The following TNFAIP8L3 variants were observed in gnomAD, a reference collection of about 807,000 sequenced individuals.
TNFAIP8L3 encodes the protein TNF alpha induced protein 8 like 3, also known as tumor necrosis factor alpha-induced protein 8-like protein 3.
TNFAIP8L3 carries 7 observed loss-of-function variants against 11.8 expected under a neutral mutation model. The observed-to-expected ratio is 0.59, with a 90% confidence interval of 0.34 to 1.11. The LOEUF is 1.11. TNFAIP8L3 is among the 50% of genes most tolerant of loss of function. The pLI is 0.03. For synonymous variants in TNFAIP8L3, 98 were observed against 103.8 expected, an observed-to-expected ratio of 0.94 and a Z score of 0.34; for missense variants, 219 against 258.6, an observed-to-expected ratio of 0.85 and a Z score of 1.05.
intron 1 of TNFAIP8L3, among the ~76,000 whole-genome samples, chr15:51,091,666 ACCT>A (rs10562772): frequency 0.22 from 31,524 of 141,310 alleles, 3,464 homozygotes; most frequent in East Asian, 0.42. Flanking sequence ...AACTAAAAAG[ACCT>A]CCTCAAGCAC....
chr15:51,066,552 C>T (rs1036063366), intron 1 of TNFAIP8L3, among the ~76,000 whole-genome samples: 3 of 152,188 alleles, frequency 2.0e-5, no homozygotes, highest in African/African-American at 7.2e-5. Context: ...CTCTCATGCT[C>T]CATCTTTCAC....
At position 51,094,464 on chromosome 15, in the gene TNFAIP8L3, G is replaced by T. The variant is rs551938906; in HGVS notation, c.52+80C>A. The stretch of plus-strand genomic sequence containing the variant: ...GGAAGGGGTCGGGCTGCTGAGGATC[G>T]GCTTCCCGATTTCATGCCCCAGCCT... On this transcript the variant is annotated intron_variant, in intron 1 of 1. Coordinates refer to ENST00000637513, the MANE Select transcript of TNFAIP8L3 (RefSeq NM_001311175.2). The surrounding 1 kb of genome is among the most constrained non-coding windows in gnomAD (Gnocchi z 4.4). The T allele has an allele frequency of 1.5e-5, 20 of 1,352,034 alleles. No individual in the cohort carries two copies. In the African/African-American group the frequency reaches 3.1e-4, roughly 21 times the overall value. 83.8% of individuals were successfully genotyped at this position (1,352,034 alleles called of 1,614,324 possible).
intron 1 of TNFAIP8L3, among the ~76,000 whole-genome samples, chr15:51,104,575 C>G (rs1396391714): frequency 1.3e-5 from 2 of 152,186 alleles, no homozygotes; most frequent in Non-Finnish European, 2.9e-5. Context: ...GCAGCCTCGT[C>G]CCTGATGAGT....
At chr15:51,073,111 C>T (rs1383779726) in intron 1 of TNFAIP8L3, among the ~76,000 whole-genome samples, 1 of 151,670 alleles carries the variant, frequency 6.6e-6, no homozygotes, top group Non-Finnish European at 1.5e-5. Context: ...ATTCTTCTGC[C>T]TCAGCCTCCT....
intron 1 of TNFAIP8L3, chr15:51,104,929 C>G (rs930599410): frequency 6.3e-7 from 1 of 1,584,268 alleles, no homozygotes; most frequent in Admixed American, 1.7e-5. Context: ...ATCCTCAGCT[C>G]GCCACCTTGC....
chr15:51,070,940 A>G (rs1322219969), intron 1 of TNFAIP8L3, among the ~76,000 whole-genome samples: 4 of 146,914 alleles, frequency 2.7e-5, no homozygotes, highest in South Asian at 2.2e-4. Context: ...AGTCCCAGCT[A>G]CTTGGGAGGC....
At chr15:51,067,491 C>G (rs769389252) in intron 1 of TNFAIP8L3, among the ~76,000 whole-genome samples, 1 of 152,178 alleles carries the variant, frequency 6.6e-6, no homozygotes, top group Non-Finnish European at 1.5e-5. Flanking sequence ...ACTCTTAGAA[C>G]CTCTATTTAG....
intron 1 of TNFAIP8L3, among the ~76,000 whole-genome samples, chr15:51,067,542 A>G (rs1439238029): frequency 1.3e-5 from 2 of 152,198 alleles, no homozygotes; most frequent in Non-Finnish European, 2.9e-5. Context: ...CTTTACTAAT[A>G]TTTAATACAC....
At position 51,058,418 on chromosome 15, in the gene TNFAIP8L3, A is replaced by G. The variant is rs1460318180; in HGVS notation, c.78T>C (p.Ser26=). 1 of 1,593,280 alleles carries G rather than the reference A, an allele frequency of 6.3e-7. No individual in the cohort carries two copies. The highest frequency in any genetic ancestry group is 1.4e-5 in the African/African-American group (1 of 72,688). The part of the protein sequence containing the change: ...AAGPDVFSSK[S]LALQAQKKIL... Reference sequence around the variant, plus strand: ...TCTTCTTCTGGGCTTGAAGCGCAAGACTCTTTGAACTAAAAACATCAGGAC... The same window carrying G: ...TCTTCTTCTGGGCTTGAAGCGCAAGGCTCTTTGAACTAAAAACATCAGGAC... The change falls in exon 2 of 2, where the codon AGT becomes AGC. Residue 26 remains serine (S), a synonymous_variant. Coordinates refer to ENST00000637513, the MANE Select transcript of TNFAIP8L3 (RefSeq NM_001311175.2).
intron 1 of TNFAIP8L3, among the ~76,000 whole-genome samples, chr15:51,084,241 G>A (rs1362927953): frequency 6.6e-6 from 1 of 152,132 alleles, no homozygotes; most frequent in Non-Finnish European, 1.5e-5. Flanking sequence ...CAGAAAAACA[G>A]GGATCACAGA....
chr15:51,076,462 TA>T (rs1392468407), intron 1 of TNFAIP8L3, among the ~76,000 whole-genome samples: 1 of 152,240 alleles, frequency 6.6e-6, no homozygotes, highest in Non-Finnish European at 1.5e-5. Context: ...CTTTCTAAAT[TA>T]AACTCTAAGG....
At chr15:51,092,159 G>A (rs1424993495) in intron 1 of TNFAIP8L3, among the ~76,000 whole-genome samples, 1 of 152,182 alleles carries the variant, frequency 6.6e-6, no homozygotes, top group Non-Finnish European at 1.5e-5. Context: ...TTCAGGAAAT[G>A]GAAAGGCATG....
chr15:51,100,178 A>C (rs2065540615), intron 1 of TNFAIP8L3, among the ~76,000 whole-genome samples: 1 of 152,218 alleles, frequency 6.6e-6, no homozygotes, highest in African/African-American at 2.4e-5. Context: ...TTTCAGGTGC[A>C]AAATGAAGGG....
At chr15:51,102,607 A>G (rs988774888) in intron 1 of TNFAIP8L3, among the ~76,000 whole-genome samples, 17 of 152,216 alleles carry the variant, frequency 1.1e-4, no homozygotes, top group African/African-American at 4.1e-4. Context: ...CACCTGGTCT[A>G]ACCCCATCAC....
chr15:51,059,718 A>T (rs369157949), intron 1 of TNFAIP8L3, among the ~76,000 whole-genome samples: 1 of 152,268 alleles, frequency 6.6e-6, no homozygotes. Flanking sequence ...CACCAAACTG[A>T]TACTAAGAAA....
intron 1 of TNFAIP8L3, among the ~76,000 whole-genome samples, chr15:51,087,882 C>A (rs2065440383): frequency 7.5e-6 from 1 of 133,490 alleles, no homozygotes; most frequent in Admixed American, 8.3e-5. Context: ...AAGAACATTT[C>A]TGATATGTAA....
intron 1 of TNFAIP8L3, among the ~76,000 whole-genome samples, chr15:51,074,407 A>T (rs1193633021): frequency 6.6e-6 from 1 of 152,240 alleles, no homozygotes; most frequent in East Asian, 1.9e-4. Context: ...TTTGCTATGA[A>T]GTATCTGCAG....
intron 1 of TNFAIP8L3, among the ~76,000 whole-genome samples, chr15:51,093,165 A>G (rs545996840): frequency 1.1e-3 from 163 of 152,358 alleles, no homozygotes; most frequent in Non-Finnish European, 2.8e-4. Flanking sequence ...TTTATGAATT[A>G]TATCATACCT....
At position 51,057,026 on chromosome 15, in the gene TNFAIP8L3, C is replaced by T. The variant is rs1032397001; in HGVS notation, c.*855G>A. The T allele has an allele frequency of 9.9e-5, 15 of 152,242 alleles. No homozygotes were observed. The highest frequency in any genetic ancestry group is 3.4e-4 in the African/African-American group (14 of 41,440). The allele number at this position is 152,242 out of a possible 1,614,324, so 9.4% of individuals were successfully genotyped here. A position where few individuals can be genotyped will look rare whatever the true frequency, so the allele number is the denominator to read the frequency against. On this transcript the variant is annotated 3_prime_UTR_variant, in exon 2 of 2. Coordinates refer to ENST00000637513, the MANE Select transcript of TNFAIP8L3 (RefSeq NM_001311175.2). ...CCAGGTTCAAACAATTCTCCTGCCTCAGCCTCCTGAGTAGCTGGGATTACA... is the reference window on the plus strand; with the variant it reads ...CCAGGTTCAAACAATTCTCCTGCCTTAGCCTCCTGAGTAGCTGGGATTACA...
Sources: allele counts gnomAD v4.1 joint callset (sites outside exome capture counted in the v4.1 genomes callset), GRCh38; gene constraint gnomAD v4.1.1; non-coding constraint Gnocchi (gnomAD v3.1); transcripts MANE v1.5; gene names NCBI Gene and HGNC (gene_info 2026-07-23, HGNC 2026-07-21).